Variants in GLG1 observed in about 807,000 individuals in gnomAD.
GLG1 encodes the protein Golgi apparatus protein 1.
A neutral mutation model predicts 160.5 loss-of-function variants in GLG1; 38 were observed. That is an observed-to-expected ratio of 0.24 (90% confidence interval 0.18 to 0.31). GLG1 has a LOEUF of 0.31. Ranked by LOEUF, GLG1 falls within the 10% of genes least tolerant of loss-of-function variation. The pLI is 1.00. For synonymous variants in GLG1, 644 were observed against 543.4 expected (o/e 1.19, Z -2.57); for missense variants, 1,373 against 1,505.2 (o/e 0.91, Z 1.45).
intron 4 of GLG1, among the ~76,000 whole-genome samples, chr16:74,501,342 G>A (rs2016397909): frequency 6.6e-6 from 1 of 152,104 alleles, no homozygotes; most frequent in African/African-American, 2.4e-5. Context: ...TAGTGACCTG[G>A]TATAAACTGA....
rs1457713559 is a variant in GLG1, at chr16:74,572,528, A to C, written c.438+34129T>G. 1.4e-3 allele frequency among the ~76,000 whole-genome samples: 152 copies of C among 110,308 alleles called. 1 individual carries two copies. In the South Asian group the frequency reaches 0.017, roughly 12 times the overall value. 72.4% of individuals were successfully genotyped at this position (110,308 alleles called of 152,430 possible). On this transcript the variant is annotated intron_variant, in intron 1 of 25. Transcript: ENST00000422840. The stretch of plus-strand genomic sequence containing the variant: ...ACTCTGTCTCAAAAAAAAAACAAAC[A>C]AAAAAAAAAAAACACAAAACACCCC...
chr16:74,516,740 C>T (rs1348419013), intron 2 of GLG1, among the ~76,000 whole-genome samples: 1 of 152,122 alleles, frequency 6.6e-6, no homozygotes, highest in African/African-American at 2.4e-5. Flanking sequence ...ACACAAAAAA[C>T]CCTTCAAAAT....
intron 17 of GLG1, 80 bp from the exon 18 acceptor site, chr16:74,467,928 C>T: frequency 1.1e-6 from 1 of 900,212 alleles, no homozygotes; most frequent in Non-Finnish European, 1.8e-6. Context: ...TATTTGTTGA[C>T]TGCATCTTGT....
intron 2 of GLG1, among the ~76,000 whole-genome samples, chr16:74,511,399 G>A (rs1597288989): frequency 6.6e-6 from 1 of 151,962 alleles, no homozygotes; most frequent in South Asian, 2.1e-4. Context: ...TGCCTGTAAT[G>A]CCAGCACTTT....
At position 74,448,613 on chromosome 16, in the gene GLG1, A is replaced by G. The variant is rs1265283470; in HGVS notation, c.*4554T>C. 6.6e-6 allele frequency: 1 copy of G among 152,142 alleles called. No homozygotes were observed. Among genetic ancestry groups the G allele is most frequent in the African/African-American group, 2.4e-5 (1 of 41,424 alleles). 9.4% of individuals were successfully genotyped at this position (152,142 alleles called of 1,614,324 possible). ...AAAAATAAGAAAAAATTATCCAGGCATGGTGGTGCATGCCCGTAATCCCAA... is the reference window on the plus strand; with the variant it reads ...AAAAATAAGAAAAAATTATCCAGGCGTGGTGGTGCATGCCCGTAATCCCAA... On this transcript the variant is annotated 3_prime_UTR_variant, in exon 26 of 26. Transcript: ENST00000422840.
chr16:74,596,355 C>T (rs113068276), intron 1 of GLG1, among the ~76,000 whole-genome samples: 151 of 152,168 alleles, frequency 9.9e-4, no homozygotes, highest in African/African-American at 3.4e-3. Context: ...ATGGTCAAAC[C>T]CCTTCTCTAC....
chr16:74,563,794 G>C (rs2018574626), intron 1 of GLG1, among the ~76,000 whole-genome samples: 1 of 151,636 alleles, frequency 6.6e-6, no homozygotes, highest in Non-Finnish European at 1.5e-5. Flanking sequence ...CTCCATAGCA[G>C]ATTCTACTGC....
At chr16:74,539,791 C>T (rs1006645401) in intron 1 of GLG1, among the ~76,000 whole-genome samples, 4 of 147,360 alleles carry the variant, frequency 2.7e-5, no homozygotes, top group African/African-American at 9.9e-5. Context: ...AGATGCTCTG[C>T]CCCAAACTTT....
rs192102880 is a variant in GLG1 at position 74,551,341 on chromosome 16, G to A, written c.439-19188C>T. On this transcript the variant is annotated intron_variant, in intron 1 of 25. Transcript: ENST00000422840. ...ACAAGGTCTCGTTCTGTCACCCAGG[G>A]TGGAGTGCAGTGGTGTGATTTCGGC... 2.9e-3 allele frequency among the ~76,000 whole-genome samples: 434 copies of A among 152,074 alleles called. 4 individuals carry two copies. The highest frequency in any genetic ancestry group is 4.1e-3 in the Non-Finnish European group (281 of 67,976).
chr16:74,507,351 A>C (rs142091579), intron 3 of GLG1, among the ~76,000 whole-genome samples: 2 of 152,304 alleles, frequency 1.3e-5, no homozygotes, highest in African/African-American at 4.8e-5. Context: ...TGGGCCAATC[A>C]AACTGGTATG....
At chr16:74,524,491 G>T (rs1046480047) in intron 2 of GLG1, among the ~76,000 whole-genome samples, 1 of 150,904 alleles carries the variant, frequency 6.6e-6, no homozygotes, top group Non-Finnish European at 1.5e-5. Flanking sequence ...ATTTGATGAT[G>T]TTAAAGAATT....
intron 1 of GLG1, among the ~76,000 whole-genome samples, chr16:74,560,335 T>TG (rs1345241664): frequency 1.3e-5 from 2 of 148,916 alleles, no homozygotes; most frequent in African/African-American, 5.0e-5. Flanking sequence ...TCTTTTTTTT[T>TG]TTTTTTTTTT....
intron 1 of GLG1, among the ~76,000 whole-genome samples, chr16:74,573,615 AG>A (rs1177244611): frequency 7.9e-6 from 1 of 126,506 alleles, no homozygotes; most frequent in Non-Finnish European, 1.6e-5. Context: ...AAATAGAGAC[AG>A]GGTCTCACCC....
intron 1 of GLG1, among the ~76,000 whole-genome samples, chr16:74,553,235 AAT>A (rs1491243500): frequency 7.3e-5 from 11 of 150,914 alleles, no homozygotes; most frequent in Admixed American, 6.6e-5. Context: ...AAAAAAAAAA[AAT>A]TTTTTTTAAA....
At chr16:74,470,446 ATTTTT>A (rs538522906) in intron 15 of GLG1, among the ~76,000 whole-genome samples, 1 of 93,722 alleles carries the variant, frequency 1.1e-5, no homozygotes. Flanking sequence ...TATATTTGTA[ATTTTT>A]TTTTTTTTTT....
At chr16:74,522,787 G>A (rs1405127444) in intron 2 of GLG1, among the ~76,000 whole-genome samples, 1 of 152,110 alleles carries the variant, frequency 6.6e-6, no homozygotes, top group African/African-American at 2.4e-5. Context: ...GGGCTCAAGC[G>A]ATCCTCTCGC....
chr16:74,554,081 G>A (rs937532265), intron 1 of GLG1, among the ~76,000 whole-genome samples: 3 of 152,040 alleles, frequency 2.0e-5, no homozygotes, highest in East Asian at 1.9e-4. Context: ...TTAAGAACCA[G>A]GTACAACACA....
intron 8 of GLG1, among the ~76,000 whole-genome samples, chr16:74,490,123 G>A (rs1399352588): frequency 6.6e-6 from 1 of 152,152 alleles, no homozygotes; most frequent in Non-Finnish European, 1.5e-5. Context: ...ACTGCACAGG[G>A]CACACTGGTG....
intron 2 of GLG1, among the ~76,000 whole-genome samples, chr16:74,516,981 C>T (rs1405268253): frequency 1.3e-5 from 2 of 152,156 alleles, no homozygotes; most frequent in East Asian, 1.9e-4. Context: ...TGGACACATA[C>T]ACCCTCCCAA....
Sources: allele counts gnomAD v4.1 joint callset (sites outside exome capture counted in the v4.1 genomes callset), GRCh38; gene constraint gnomAD v4.1.1; transcripts MANE v1.5; gene names NCBI Gene and HGNC (gene_info 2026-07-23, HGNC 2026-07-21).